Variants in NUMA1 observed in about 807,000 individuals in gnomAD.
NUMA1 encodes the protein SP-H antigen.
NUMA1 carries 62 observed loss-of-function variants against 237.1 expected under a neutral mutation model. The ratio of observed to expected loss-of-function variants is 0.26; its 90% CI spans 0.21 to 0.32. The LOEUF (loss-of-function observed/expected upper bound fraction) is 0.32, where lower values mean the gene tolerates loss of function less well. Ranked by LOEUF, NUMA1 falls within the 10% of genes least tolerant of loss-of-function variation. The pLI is 1.00. For synonymous variants in NUMA1, 1,028 were observed against 1,066.1 expected (o/e 0.96, Z 0.70); for missense variants, 2,533 against 2,666.5 (o/e 0.95, Z 1.10).
At chr11:72,007,083 A>C in intron 21 of NUMA1, 106 bp downstream of exon 21, 1 of 1,358,376 alleles carries the variant, frequency 7.4e-7, no homozygotes, top group South Asian at 1.3e-5. Flanking sequence ...TGTAACATGG[A>C]CTGGCTGCTC....
At chr11:72,035,832 A>G in intron 3 of NUMA1, 70 bp downstream of exon 3, 4 of 1,465,044 alleles carry the variant, frequency 2.7e-6, no homozygotes, top group East Asian at 2.3e-5. Flanking sequence ...GGCTCCTACA[A>G]AACTCCTCTC....
intron 4 of NUMA1, among the ~76,000 whole-genome samples, chr11:72,025,321 A>C (rs1410443734): frequency 5.3e-5 from 8 of 152,112 alleles, no homozygotes; most frequent in Non-Finnish European, 8.8e-5. Context: ...CTGAGGCAGG[A>C]GAACTGCTTC....
chr11:72,005,720 G>C (rs1486611547), intron 22 of NUMA1: 1 of 498,054 alleles, frequency 2.0e-6, no homozygotes, highest in South Asian at 2.8e-5. Flanking sequence ...CTTCCAAGAA[G>C]AGTCTGGCCA....
chr11:72,065,695 T>C (rs1336097367), intron 2 of NUMA1: 1 of 152,230 alleles, frequency 6.6e-6, no homozygotes, highest in Non-Finnish European at 1.5e-5. Context: ...TTTTGGTTTC[T>C]GCCCTATAAT....
intron 1 of NUMA1, among the ~76,000 whole-genome samples, chr11:72,073,811 T>C (rs1011647749): frequency 2.0e-5 from 3 of 152,150 alleles, no homozygotes; most frequent in African/African-American, 7.2e-5. Flanking sequence ...CTGTGTGGCT[T>C]TGGGGAGATT....
chr11:72,007,820 TGTC>T (rs755070545), intron 20 of NUMA1: 1 of 356,948 alleles, frequency 2.8e-6, no homozygotes, highest in Non-Finnish European at 5.3e-6. Flanking sequence ...CATAATCCAA[TGTC>T]GTCCTGCTTG....
intron 6 of NUMA1, 63 bp downstream of exon 6, chr11:72,023,002 G>C: frequency 8.5e-7 from 1 of 1,171,888 alleles, no homozygotes; most frequent in Non-Finnish European, 1.3e-6. Flanking sequence ...GGCCCTGCAG[G>C]GTCCCTCAGG....
At position 72,013,383 on chromosome 11, in the gene NUMA1, G is replaced by C. The variant is rs1331365326; in HGVS notation, c.4120C>G (p.Gln1374Glu). Residue 1374 changes from glutamine (Q) to glutamate (E), a missense_variant, in exon 15 of 27, where the codon CAG becomes GAG. By Grantham distance (29) the Gln-to-Glu change is conservative (BLOSUM62 2). Coordinates refer to ENST00000393695, the MANE Select transcript of NUMA1 (RefSeq NM_006185.4). This position sits in a 1 kb window ranked among gnomAD's most constrained non-coding sequence, Gnocchi z 6.8. ...CGGTGGCGTTTCTCGGCAGCGGCCT[G>C]CTCGGCCTGCAGCTGCTGGCAGAGG... ...KHLCQQLQAE[Q>E]AAAEKRHREE... 3 of 1,611,424 alleles carry C rather than the reference G, an allele frequency of 1.9e-6. No homozygotes were observed. The highest frequency in any genetic ancestry group is 2.5e-6 in the Non-Finnish European group (3 of 1,179,868).
At position 72,008,704 on chromosome 11, in the gene NUMA1, G is replaced by A; in HGVS notation, c.5200C>T (p.Pro1734Ser). Residue 1734 changes from proline (P) to serine (S), a missense_variant, in exon 20 of 27, where the codon CCA becomes TCA. Pro to Ser is a moderately conservative substitution (Grantham distance 74, BLOSUM62 -1). Around this residue, in one of 3 missense-constraint regions of NUMA1, gnomAD observed 795 missense variants for 750.8 expected, o/e 1.06. Transcript: ENST00000393695. ...SLDLSCEEGT[P>S]LSITSKLPRT... is the part of the protein sequence containing the mutation. ...CCTCCTGACCTGGTGATACTGAGTG[G>A]GGTCCCCTCCTCGCAGCTCAGATCC... 6.2e-7 allele frequency: 1 copy of A among 1,614,092 alleles called. No individual in the cohort carries two copies. The highest frequency in any genetic ancestry group is 8.5e-7 in the Non-Finnish European group (1 of 1,180,028).
chr11:72,024,766 GA>G, intron 4 of NUMA1: 1 of 166,026 alleles, frequency 6.0e-6, no homozygotes, highest in Non-Finnish European at 1.3e-5. Context: ...CATGGGGAGG[GA>G]AAAACATCCA....
In NUMA1 at chr11:72,005,277, C is replaced by T; in HGVS notation, c.5785G>A (p.Val1929Met). The T allele has an allele frequency of 6.2e-7, 1 of 1,609,192 alleles. No individual in the cohort carries two copies. Residue 1929 changes from valine (V) to methionine (M), a missense_variant, in exon 23 of 27, where the codon GTG (valine) becomes ATG (methionine). Val to Met is a conservative substitution (Grantham distance 21). Transcript: ENST00000393695. ...RIAELQQRNR[V>M]CPPHLKTCYP... ...CAGGTCTTCAGATGTGGGGGGCACA[C>T]TCGATTGCGCTGCTGCAGCTCTGCA... is the stretch of plus-strand genomic sequence containing the variant.
chr11:72,057,757 A>C (rs1275144631), intron 2 of NUMA1, among the ~76,000 whole-genome samples: 75 of 150,496 alleles, frequency 5.0e-4, no homozygotes, highest in African/African-American at 1.6e-3. Context: ...AAAAAACAAA[A>C]AAAAACAAAA....
Position 72,023,106 on chromosome 11 carries a change from C to T in NUMA1, c.250G>A (p.Ala84Thr). Residue 84 changes from alanine (A) to threonine (T), a missense_variant, in exon 6 of 27, where the codon GCA (alanine) becomes ACA (threonine). Ala to Thr is a moderately conservative substitution (Grantham distance 58). Coordinates refer to ENST00000393695, the MANE Select transcript of NUMA1 (RefSeq NM_006185.4). ...TCTGATCCCTCTAGCACCTTCTGTG[C>T]AGATACCAGGCATTCTGGGGAAGAG... Reference protein sequence around the residue: ...HPSSPECLVSAQKVLEGSELE... With the variant: ...HPSSPECLVSTQKVLEGSELE... 1 of 1,613,874 alleles carries T rather than the reference C, an allele frequency of 6.2e-7. No individual in the cohort carries two copies. The highest frequency in any genetic ancestry group is 1.1e-5 in the South Asian group (1 of 91,072).
chr11:72,005,334 C>T lies in NUMA1; in HGVS notation c.5728G>A (p.Glu1910Lys), dbSNP rs771966081. 19 of 1,608,314 alleles carry T rather than the reference C, an allele frequency of 1.2e-5. No homozygotes were observed. Among genetic ancestry groups the T allele is most frequent in the African/African-American group, 2.7e-5 (2 of 74,462 alleles). The change falls in exon 23 of 27, where the codon GAG becomes AAG. Residue 1910 changes from glutamate (E) to lysine (K), a missense_variant. Glu to Lys is a moderately conservative substitution (Grantham distance 56). Coordinates refer to ENST00000393695, the MANE Select transcript of NUMA1 (RefSeq NM_006185.4). ...TTCCAGTCATCCAGCTGCTCAGGCT[C>T]ATCCTGGCAAGTGCCCATGTAGAAG... ...NSFYMGTCQDEPEQLDDWNRI... is the reference protein window; with the variant it reads ...NSFYMGTCQDKPEQLDDWNRI...
intron 3 of NUMA1, among the ~76,000 whole-genome samples, chr11:72,033,087 C>T (rs145507029): frequency 4.8e-4 from 73 of 152,228 alleles, no homozygotes; most frequent in Non-Finnish European, 9.3e-4. Flanking sequence ...CATGCTACTA[C>T]AGTTTCATAA....
intron 3 of NUMA1, 142 bp downstream of exon 3, chr11:72,035,760 A>G (rs1940951048): frequency 5.2e-6 from 4 of 767,810 alleles, no homozygotes; most frequent in South Asian, 1.6e-5. Context: ...ATGAAAATGC[A>G]TTTCCATGCT....
In NUMA1 at chr11:72,031,909, C is replaced by T. The variant is rs140344287; in HGVS notation, c.43-2619G>A. The stretch of plus-strand genomic sequence containing the variant: ...CTTTGGGAGGACGAGGAGGGAGAAT[C>T]GCTTGAGGCCAGGAGTTTGAGATCA... On this transcript the variant is annotated intron_variant, in intron 3 of 26. Transcript: ENST00000393695. Among the ~76,000 whole-genome samples, 377 of 148,108 alleles carry T rather than the reference C, an allele frequency of 2.5e-3. 2 individuals are homozygous for T. Among genetic ancestry groups the T allele is most frequent in the African/African-American group, 8.6e-3 (347 of 40,174 alleles).
At position 72,049,560 on chromosome 11, in the gene NUMA1, A is replaced by AATATATATATAT. The variant is rs1555034472; in HGVS notation, c.-32-13597_-32-13586dup. 9.5e-3 allele frequency: 388 copies of AATATATATATAT among 40,990 alleles called. 17 individuals carry two copies. Among genetic ancestry groups the AATATATATATAT allele is most frequent in the African/African-American group, 0.03 (351 of 11,812 alleles). 2.5% of individuals were successfully genotyped at this position (40,990 alleles called of 1,614,324 possible). On this transcript the variant is annotated intron_variant, in intron 2 of 26. Coordinates refer to ENST00000393695, the MANE Select transcript of NUMA1 (RefSeq NM_006185.4). ...CCTGTCTAAAAAAAAAAATAATAAT[A>AATATATATATAT]ATATATATATATATATATATATAGT...
intron 3 of NUMA1, among the ~76,000 whole-genome samples, chr11:72,031,008 G>A (rs1940231379): frequency 6.6e-6 from 1 of 152,110 alleles, no homozygotes; most frequent in South Asian, 2.1e-4. Flanking sequence ...ATATAAAGTA[G>A]GCCAGGTGCA....
Sources: gnomAD v4.1 joint callset for allele counts (sites outside exome capture counted in the v4.1 genomes callset) on GRCh38, gnomAD v4.1.1 for gene constraint, gnomAD v4.1.1 regional missense constraint, Gnocchi (gnomAD v3.1) non-coding constraint, MANE v1.5 for transcripts, NCBI Gene and HGNC (gene_info 2026-07-23, HGNC 2026-07-21) for gene names.